Variants in ZER1 observed in about 807,000 individuals in gnomAD.
The protein encoded by ZER1 is protein zer-1 homolog.
In ZER1, 11 loss-of-function variants were observed where a neutral mutation model predicts 78.8. That is an observed-to-expected ratio of 0.14 (90% CI 0.09 to 0.23). The LOEUF (loss-of-function observed/expected upper bound fraction) is 0.23, where lower values mean the gene tolerates loss of function less well. Among genes scored for constraint, ZER1 ranks in the 10% least tolerant of loss-of-function variants. The pLI, the probability that ZER1 is intolerant of heterozygous loss-of-function variation, is 1.00. For missense variants in ZER1, 588 were observed against 996.9 expected (o/e 0.59, Z 5.52); for synonymous variants, 400 against 407.0 (o/e 0.98, Z 0.21).
chr9:128,743,156 C>T (rs541895096), intron 8 of ZER1, among the ~76,000 whole-genome samples: 46 of 151,290 alleles, frequency 3.0e-4, no homozygotes, highest in African/African-American at 1.1e-3. Context: ...GCTGCTCTGT[C>T]GCCCAGGCTG....
rs1267871234 is a variant in ZER1 at position 128,764,751 on chromosome 9, T to C, written c.-95+6830A>G. Reference sequence around the variant, plus strand: ...CTCTACCTACTCCATTCCTTAGGGATTGTCATTCTCAGGGCAGTCACAGGC... The same window carrying C: ...CTCTACCTACTCCATTCCTTAGGGACTGTCATTCTCAGGGCAGTCACAGGC... On this transcript the variant is annotated intron_variant, in intron 1 of 15. Transcript: ENST00000291900. Among the ~76,000 whole-genome samples, 6 of 152,252 alleles carry C rather than the reference T, an allele frequency of 3.9e-5. No individual in the cohort carries two copies. In the East Asian group the frequency reaches 9.6e-4, roughly 24 times the overall value.
At chr9:128,731,524 A>AC (rs1862821234) in intron 15 of ZER1, 130 bp from the exon 16 acceptor site, 7 of 715,878 alleles carry the variant, frequency 9.8e-6, no homozygotes, top group Non-Finnish European at 1.6e-5. Context: ...AATGATGTGG[A>AC]CAGAGGGGCT....
At chr9:128,731,441 G>GGGGGGC in intron 15 of ZER1, 47 bp from the exon 16 acceptor site, 4 of 704,898 alleles carry the variant, frequency 5.7e-6, no homozygotes, top group East Asian at 6.2e-5. Context: ...CTTGGGTGGG[G>GGGGGGC]GTGAGCCCAG....
intron 1 of ZER1, among the ~76,000 whole-genome samples, 185 bp downstream of exon 1, chr9:128,771,396 G>A (rs182654873): frequency 2.0e-5 from 3 of 152,330 alleles, no homozygotes; most frequent in Admixed American, 2.0e-4. Flanking sequence ...CTTTCTGGAG[G>A]AAGGGAGCTC....
In ZER1 at chr9:128,733,471, A is replaced by G. The variant is rs749459349; in HGVS notation, c.2198T>C (p.Ile733Thr). Residue 733 changes from isoleucine to threonine, a missense_variant, in exon 15 of 16, where the codon ATA becomes ACA. Physicochemically the swap from Ile to Thr is moderately conservative, Grantham distance 89. Around this residue, in one of 3 missense-constraint regions of ZER1, gnomAD observed 122 missense variants for 173.5 expected, o/e 0.70. Transcript: ENST00000291900. ...CTGCCGTGCGGTCGCCATCTTAATT[A>G]TGTCCCTCAGAAGGGGCATCCCCCC... Reference protein sequence around the residue: ...KEGGMPLLRDIIKMATARQET... With the variant: ...KEGGMPLLRDTIKMATARQET... 6.2e-7 allele frequency: 1 copy of G among 1,613,832 alleles called. No individual in the cohort carries two copies. Among genetic ancestry groups the G allele is most frequent in the South Asian group, 1.1e-5 (1 of 91,016 alleles).
Position 128,741,859 on chromosome 9 carries a change from A to G in ZER1, c.1576-18T>C, listed in dbSNP as rs368994262. ...AGCATGGTCTGCAGGCAGGGACAAG[A>G]GTCTGCTAGAGTGCTGGGGCTGAAG... On this transcript the variant is annotated intron_variant, in intron 9 of 15. Coordinates refer to ENST00000291900, the MANE Select transcript of ZER1 (RefSeq NM_006336.4). 1.2e-6 allele frequency: 2 copies of G among 1,614,080 alleles called. No homozygotes were observed. Among genetic ancestry groups the G allele is most frequent in the South Asian group, 2.2e-5 (2 of 91,086 alleles).
intron 13 of ZER1, among the ~76,000 whole-genome samples, chr9:128,738,508 C>T (rs1299486595): frequency 1.3e-5 from 2 of 148,684 alleles, no homozygotes; most frequent in Admixed American, 1.4e-4. Context: ...GCCTCAGCCT[C>T]CCGAGTAGCT....
intron 7 of ZER1, among the ~76,000 whole-genome samples, 163 bp downstream of exon 7, chr9:128,750,959 C>G (rs971277867): frequency 3.3e-5 from 5 of 152,296 alleles, no homozygotes; most frequent in African/African-American, 1.2e-4. Flanking sequence ...AAGGCCAGTG[C>G]TGAAGCAAGT....
intron 8 of ZER1, 77 bp downstream of exon 8, chr9:128,750,539 A>T: frequency 1.3e-6 from 2 of 1,531,946 alleles, no homozygotes; most frequent in Admixed American, 3.5e-5. Context: ...GAGCCGGGGG[A>T]GCCCTAGCGG....
intron 13 of ZER1, among the ~76,000 whole-genome samples, chr9:128,735,988 G>A (rs1443438593): frequency 6.6e-5 from 10 of 151,274 alleles, no homozygotes; most frequent in African/African-American, 2.2e-4. Context: ...TTGCTCTGTC[G>A]CTCAGGCTGG....
rs1862860103 is a variant in ZER1, at chr9:128,732,392, C to CA, written c.2244-999dup. Among the ~76,000 whole-genome samples the CA allele has an allele frequency of 6.6e-6, 1 of 152,156 alleles. No individual in the cohort carries two copies. Among genetic ancestry groups the CA allele is most frequent in the Non-Finnish European group, 1.5e-5 (1 of 68,024 alleles). ...ATTTTTAAATTTTATTTTTTTGAGA[C>CA]AGAGTCTCGCTCTGTTGACCAGGCT... is the stretch of plus-strand genomic sequence containing the variant. On this transcript the variant is annotated intron_variant, in intron 15 of 15. Transcript: ENST00000291900. The surrounding 1 kb of genome is among the most constrained non-coding windows in gnomAD (Gnocchi z 4.8).
chr9:128,755,454 G>C lies in ZER1; in HGVS notation c.112C>G (p.Pro38Ala). Residue 38 changes from proline (P) to alanine (A), a missense_variant, in exon 2 of 16, where the codon CCG (proline) becomes GCG (alanine). Physicochemically the swap from Pro to Ala is conservative, Grantham distance 27. Around this residue, in one of 3 missense-constraint regions of ZER1, gnomAD observed 406 missense variants for 660.1 expected, o/e 0.62. Coordinates refer to ENST00000291900, the MANE Select transcript of ZER1 (RefSeq NM_006336.4). The surrounding 1 kb of genome is among the most constrained non-coding windows in gnomAD (Gnocchi z 5.6). ...LLDKETLRLHPDIFLPSEICD... is the reference protein window; with the variant it reads ...LLDKETLRLHADIFLPSEICD... ...ATCTCGCTGGGCAAGAAGATGTCCG[G>C]ATGTAGCCGCAGGGTCTCCTTGTCC... 2.5e-6 allele frequency: 4 copies of C among 1,614,030 alleles called. No individual in the cohort carries two copies. The South Asian group carries it at 3.3e-5, about 13-fold the overall frequency.
intron 10 of ZER1, 49 bp from the exon 11 acceptor site, chr9:128,741,703 G>C: frequency 6.2e-7 from 1 of 1,613,914 alleles, no homozygotes; most frequent in South Asian, 1.1e-5. Context: ...ACCCGGGGAG[G>C]GGGGCCCCTG....
intron 13 of ZER1, among the ~76,000 whole-genome samples, chr9:128,739,363 C>A (rs999994999): frequency 6.6e-6 from 1 of 151,392 alleles, no homozygotes; most frequent in Non-Finnish European, 1.5e-5. Flanking sequence ...ATTAACCGGG[C>A]GTGGTGGCGG....
At position 128,752,685 on chromosome 9, in the gene ZER1, G is replaced by A. The variant is rs1217343112; in HGVS notation, c.911C>T (p.Ala304Val). 5.6e-6 allele frequency: 9 copies of A among 1,612,736 alleles called. No individual in the cohort carries two copies. The highest frequency in any genetic ancestry group is 1.3e-5 in the African/African-American group (1 of 75,020). Residue 304 changes from alanine to valine, a missense_variant, in exon 5 of 16, where the codon GCG (alanine) becomes GTG (valine). This residue lies in a region of ZER1 where 406 missense variants were observed against 660.1 expected (regional missense o/e 0.62). Coordinates refer to ENST00000291900, the MANE Select transcript of ZER1 (RefSeq NM_006336.4). ...GCTGGGGCCCCACCTGGTCTGCCCC[G>A]CTTCCTCTTCCATCTTGGAGATGCT... ...NCSISKMEEEAGQTSIEPSKS... is the reference protein window; with the variant it reads ...NCSISKMEEEVGQTSIEPSKS...
At chr9:128,731,851 G>A (rs576147033) in intron 15 of ZER1, among the ~76,000 whole-genome samples, 6 of 152,292 alleles carry the variant, frequency 3.9e-5, no homozygotes, top group Admixed American at 6.5e-5. Flanking sequence ...GTCCAGGGTC[G>A]GGCAGGGGCA....
At chr9:128,743,886 GC>G (rs1394591548) in intron 8 of ZER1, among the ~76,000 whole-genome samples, 1 of 139,434 alleles carries the variant, frequency 7.2e-6, no homozygotes, top group African/African-American at 2.7e-5. Flanking sequence ...GCCTCCAATG[GC>G]CCCTGCTTTT....
Position 128,751,396 on chromosome 9 carries a change from C to T in ZER1, c.1038+17G>A. 6.2e-7 allele frequency: 1 copy of T among 1,614,070 alleles called. No individual in the cohort carries two copies. The highest frequency in any genetic ancestry group is 8.5e-7 in the Non-Finnish European group (1 of 1,179,968). ...CAAGGCTCCCTGGCCCAGACCCATC[C>T]CACTTCCACTGCTCACTTTGTAGGC... is the stretch of plus-strand genomic sequence containing the variant. On this transcript the variant is annotated intron_variant, in intron 6 of 15. Coordinates refer to ENST00000291900, the MANE Select transcript of ZER1 (RefSeq NM_006336.4). The surrounding 1 kb of genome is among the most constrained non-coding windows in gnomAD (Gnocchi z 5.4).
In ZER1 at chr9:128,735,760, G is replaced by GTTTTTTTTTTTTTTTTTTTTTTTTTTTTT. The variant is rs779646793; in HGVS notation, c.2043-330_2043-329insAAAAAAAAAAAAAAAAAAAAAAAAAAAAA. On this transcript the variant is annotated intron_variant, in intron 13 of 15. Transcript: ENST00000291900. ...CTGGGAACAGAAGCACGTGTGACCT[G>GTTTTTTTTTTTTTTTTTTTTTTTTTTTTT]GTTTTTTTTTTTTTTTTTTTTTTTT... Among the ~76,000 whole-genome samples the GTTTTTTTTTTTTTTTTTTTTTTTTTTTTT allele has an allele frequency of 6.2e-4, 10 of 16,176 alleles. 5 individuals carry two copies. The highest frequency in any genetic ancestry group is 9.9e-4 in the African/African-American group (6 of 6,048). 10.6% of individuals were successfully genotyped at this position (16,176 alleles called of 152,430 possible). A position where few individuals can be genotyped will look rare whatever the true frequency, so the allele number is the denominator to read the frequency against.
Sources: allele counts gnomAD v4.1 joint callset (sites outside exome capture counted in the v4.1 genomes callset), GRCh38; gene constraint gnomAD v4.1.1; regional missense constraint gnomAD v4.1.1; non-coding constraint Gnocchi (gnomAD v3.1); transcripts MANE v1.5; gene names NCBI Gene and HGNC (gene_info 2026-07-23, HGNC 2026-07-21).